CALN1: variants seen among roughly 807,000 people sequenced by gnomAD.
The protein encoded by CALN1 is calneuron 1.
Under a neutral mutation model 30.6 loss-of-function variants are expected in CALN1, and 17 were observed. That is an observed-to-expected ratio of 0.56 (90% CI 0.38 to 0.83). The LOEUF is 0.83. CALN1 is among the 40% of genes least tolerant of loss of function. The pLI is 0.00. For synonymous variants in CALN1, 156 were observed against 131.4 expected (o/e 1.19, Z -1.28); for missense variants, 291 against 354.9 (o/e 0.82, Z 1.45).
At chr7:71,994,531 A>G (rs1799143719) in intron 5 of CALN1, among the ~76,000 whole-genome samples, 1 of 151,778 alleles carries the variant, frequency 6.6e-6, no homozygotes, top group Admixed American at 6.6e-5. Flanking sequence ...AAAAAAAAAA[A>G]AACAGTGATA....
At chr7:71,963,277 C>T (rs1055046108) in intron 5 of CALN1, among the ~76,000 whole-genome samples, 1 of 152,316 alleles carries the variant, frequency 6.6e-6, no homozygotes, top group Non-Finnish European at 1.5e-5. Flanking sequence ...ATTCTCCTGC[C>T]TCAGCCTCCA....
At chr7:71,834,124 A>G (rs1584327995) in intron 5 of CALN1, among the ~76,000 whole-genome samples, 1 of 145,248 alleles carries the variant, frequency 6.9e-6, no homozygotes, top group African/African-American at 2.5e-5. Context: ...CGGGAGGCCG[A>G]GGCAGGAGAA....
chr7:72,417,769 C>T (rs985581312), intron 1 of CALN1, among the ~76,000 whole-genome samples: 2 of 152,078 alleles, frequency 1.3e-5, no homozygotes, highest in African/African-American at 4.8e-5. Context: ...TTGTGGGAGC[C>T]TCATCAGTGG....
chr7:72,016,562 G>A (rs141031559), intron 5 of CALN1, among the ~76,000 whole-genome samples: 8,576 of 151,576 alleles, frequency 0.057, 271 homozygotes, highest in Non-Finnish European at 0.075. Context: ...TCAGCCTCCC[G>A]AGTAGCTGGA....
chr7:71,785,039 G>A lies in CALN1; in HGVS notation c.*2736C>T, dbSNP rs1562772564. 5.1e-6 allele frequency: 2 copies of A among 395,406 alleles called. No individual in the cohort carries two copies. Among genetic ancestry groups the A allele is most frequent in the African/African-American group, 4.1e-5 (2 of 48,564 alleles). The allele number at this position is 395,406 out of a possible 1,614,324, so 24.5% of individuals were successfully genotyped here. On this transcript the variant is annotated 3_prime_UTR_variant, in exon 7 of 7. Coordinates refer to ENST00000395275, the MANE Select transcript of CALN1 (RefSeq NM_031468.4). Reference sequence around the variant, plus strand: ...TCACCGGGACAAACTCTGAGCTCCTGAAGTCTAAGGAATGCCGCTAGCTCA... The same window carrying A: ...TCACCGGGACAAACTCTGAGCTCCTAAAGTCTAAGGAATGCCGCTAGCTCA...
chr7:72,277,072 A>T (rs930050526), intron 3 of CALN1, among the ~76,000 whole-genome samples: 1 of 151,970 alleles, frequency 6.6e-6, no homozygotes, highest in Non-Finnish European at 1.5e-5. Flanking sequence ...CACCTAGTCT[A>T]TGGTGTTTTG....
rs565739757 is a variant in CALN1, at chr7:72,109,366, AG to A, written c.245-3073del. On this transcript the variant is annotated intron_variant, in intron 3 of 6. Transcript: ENST00000395275. ...GCTGTGCTGGCTGCATGGATCCCTCAGGTCCTCCAGCCCTTCTTTCTGTGCA... is the reference window on the plus strand; with the variant it reads ...GCTGTGCTGGCTGCATGGATCCCTCAGTCCTCCAGCCCTTCTTTCTGTGCA... Among the ~76,000 whole-genome samples the A allele has an allele frequency of 1.2e-3, 184 of 152,228 alleles. 1 individual carries two copies. Among genetic ancestry groups the A allele is most frequent in the African/African-American group, 4.2e-3 (176 of 41,536 alleles).
chr7:72,044,834 G>A (rs964328124), intron 4 of CALN1, among the ~76,000 whole-genome samples: 3 of 151,862 alleles, frequency 2.0e-5, no homozygotes, highest in Non-Finnish European at 4.4e-5. Flanking sequence ...TCCCCAGGCC[G>A]ATCTCCACCT....
intron 3 of CALN1, among the ~76,000 whole-genome samples, chr7:72,192,449 C>T (rs143632806): frequency 0.011 from 1,659 of 152,156 alleles, 31 homozygotes; most frequent in African/African-American, 0.037. Flanking sequence ...TGCCTAGAGG[C>T]TGGATTTTAT....
intron 3 of CALN1, among the ~76,000 whole-genome samples, chr7:72,231,275 T>TC (rs1429837620): frequency 2.6e-5 from 4 of 152,184 alleles, no homozygotes; most frequent in Non-Finnish European, 5.9e-5. Flanking sequence ...CCTAATGCTC[T>TC]CCCTCCCCCA....
intron 5 of CALN1, among the ~76,000 whole-genome samples, chr7:71,896,127 T>A (rs1793518853): frequency 6.6e-6 from 1 of 152,188 alleles, no homozygotes; most frequent in Non-Finnish European, 1.5e-5. Context: ...ACAATACCTT[T>A]CCATTTTAAT....
At chr7:72,408,629 GT>G (rs1480972178) in intron 1 of CALN1, among the ~76,000 whole-genome samples, 1 of 148,590 alleles carries the variant, frequency 6.7e-6, no homozygotes, top group Non-Finnish European at 1.5e-5. Flanking sequence ...GGATTGCATG[GT>G]GGTCATGAAA....
the CALN1 span, among the ~76,000 whole-genome samples, chr7:72,455,138 T>C: frequency 6.6e-6 from 1 of 152,008 alleles, no homozygotes; most frequent in Non-Finnish European, 1.5e-5. Flanking sequence ...GCCTCTGCTC[T>C]CTTACAAGAA....
chr7:72,217,106 G>A (rs1792882771), intron 3 of CALN1, among the ~76,000 whole-genome samples: 1 of 152,128 alleles, frequency 6.6e-6, no homozygotes, highest in African/African-American at 2.4e-5. Flanking sequence ...ATACAAGAAA[G>A]GATTAAGAAA....
intron 2 of CALN1, among the ~76,000 whole-genome samples, chr7:72,325,602 G>C (rs993634632): frequency 6.6e-6 from 1 of 151,984 alleles, no homozygotes; most frequent in Non-Finnish European, 1.5e-5. Flanking sequence ...ACTCTGTCTC[G>C]AAAATAAATA....
chr7:71,989,058 C>T (rs190011584), intron 5 of CALN1, among the ~76,000 whole-genome samples: 316 of 152,262 alleles, frequency 2.1e-3, no homozygotes, highest in African/African-American at 6.9e-3. Context: ...TGCATGCTGG[C>T]CCAGAGTCAA....
chr7:72,224,730 A>G (rs1793546212), intron 3 of CALN1, among the ~76,000 whole-genome samples: 1 of 151,682 alleles, frequency 6.6e-6, no homozygotes, highest in African/African-American at 2.4e-5. Context: ...GCAATAAGCC[A>G]AGATTGCGCC....
intron 2 of CALN1, among the ~76,000 whole-genome samples, chr7:72,306,655 A>C (rs1263998352): frequency 1.3e-5 from 2 of 152,062 alleles, no homozygotes; most frequent in Non-Finnish European, 2.9e-5. Context: ...AGAAAAGAAA[A>C]ATAAAAAAGA....
intron 4 of CALN1, among the ~76,000 whole-genome samples, chr7:72,093,696 C>T (rs1279764816): frequency 3.9e-5 from 6 of 152,122 alleles, no homozygotes; most frequent in Non-Finnish European, 7.4e-5. Context: ...AAGCTCAGAC[C>T]TTTAAACTCT....
Sources: gnomAD v4.1 joint callset for allele counts (sites outside exome capture counted in the v4.1 genomes callset) on GRCh38, gnomAD v4.1.1 for gene constraint, MANE v1.5 for transcripts, NCBI Gene and HGNC (gene_info 2026-07-23, HGNC 2026-07-21) for gene names.